The following MGST2 variants were observed in gnomAD, a reference collection of about 807,000 sequenced individuals.
The protein encoded by MGST2 is glutathione peroxidase MGST2.
Under a neutral mutation model 16.6 loss-of-function variants are expected in MGST2, and 9 were observed. That is an observed-to-expected ratio of 0.54 (90% CI 0.33 to 0.95). The LOEUF (loss-of-function observed/expected upper bound fraction) is 0.95. MGST2 is among the 40% of genes least tolerant of loss of function. The pLI is 0.03. For synonymous variants in MGST2, 79 were observed against 68.0 expected (o/e 1.16, Z -0.79); for missense variants, 159 against 175.1 (o/e 0.91, Z 0.52).
At chr4:139,684,052 C>T (rs963825092) in intron 2 of MGST2, among the ~76,000 whole-genome samples, 3 of 151,452 alleles carry the variant, frequency 2.0e-5, no homozygotes, top group African/African-American at 7.3e-5. Flanking sequence ...CAGCCTCCTG[C>T]GTACTGGGAC....
Position 139,703,925 on chromosome 4 carries a change from A to C in MGST2, c.312-91A>C, listed in dbSNP as rs147460340. On this transcript the variant is annotated intron_variant, in intron 4 of 4. Transcript: ENST00000265498. The stretch of plus-strand genomic sequence containing the variant: ...TTGCAAAAATATAGAAGTTCTGGAC[A>C]GTGTTAACGATAGGACAGCCTACCT... 2.8e-4 allele frequency: 418 copies of C among 1,513,774 alleles called. 2 individuals carry two copies. The African/African-American group carries it at 5.1e-3, about 19-fold the overall frequency. The allele number at this position is 1,513,774 out of a possible 1,614,324, so 93.8% of individuals were successfully genotyped here.
intron 2 of MGST2, among the ~76,000 whole-genome samples, chr4:139,688,725 A>G (rs1218461932): frequency 6.6e-6 from 1 of 152,218 alleles, no homozygotes; most frequent in African/African-American, 2.4e-5. Context: ...AAAAAAAGAG[A>G]CAGTAAACAT....
At chr4:139,730,881 A>C in intron 5 of MGST2, 1 of 590,428 alleles carries the variant, frequency 1.7e-6, no homozygotes, top group Non-Finnish European at 3.0e-6. Flanking sequence ...GTAAGAGAGC[A>C]TGGCTCTGGG....
Position 139,702,844 on chromosome 4 carries a change from GTT to G in MGST2, c.230-586_230-585del, listed in dbSNP as rs70943436. Among the ~76,000 whole-genome samples the G allele has an allele frequency of 2.5e-3, 116 of 46,452 alleles. 3 individuals carry two copies. Among genetic ancestry groups the G allele is most frequent in the Middle Eastern group, 0.029 (1 of 34 alleles). 30.5% of individuals were successfully genotyped at this position (46,452 alleles called of 152,430 possible). A position where few individuals can be genotyped will look rare whatever the true frequency, so the allele number is the denominator to read the frequency against. ...TCCTCACCAACATTTTGTGTTACTG[GTT>G]TTTTTTTTTTTTTTTTTTTTTTTTA... is the stretch of plus-strand genomic sequence containing the variant. On this transcript the variant is annotated intron_variant, in intron 3 of 4. Coordinates refer to ENST00000265498, the MANE Select transcript of MGST2 (RefSeq NM_002413.5).
At position 139,695,246 on chromosome 4, in the gene MGST2, G is replaced by A. The variant is rs770784272; in HGVS notation, c.208G>A (p.Ala70Thr). ...YPIFIITLWM[A>T]GWYFNQVFAT... Reference sequence around the variant, plus strand: ...TATATTCATAATTACATTGTGGATGGCTGGGTGGTATTTCAACCAAGGTAA... The same window carrying A: ...TATATTCATAATTACATTGTGGATGACTGGGTGGTATTTCAACCAAGGTAA... Residue 70 changes from alanine (A) to threonine (T), a missense_variant, in exon 3 of 5, where the codon GCT (alanine) becomes ACT (threonine). Transcript: ENST00000265498. 2.5e-6 allele frequency: 4 copies of A among 1,613,016 alleles called. No homozygotes were observed. The East Asian group carries it at 8.9e-5, about 36-fold the overall frequency.
chr4:139,667,567 C>A (rs1730432368), intron 1 of MGST2, among the ~76,000 whole-genome samples: 1 of 152,042 alleles, frequency 6.6e-6, no homozygotes. Flanking sequence ...TGTTTAATGA[C>A]AAGGTGTTAG....
chr4:139,730,831 C>T (rs1728676684), intron 5 of MGST2: 15 of 638,590 alleles, frequency 2.3e-5, no homozygotes, highest in Admixed American at 5.8e-5. Context: ...GCTTCAAACC[C>T]GACCTTACCT....
chr4:139,694,556 A>T (rs1726809898), intron 2 of MGST2, among the ~76,000 whole-genome samples: 1 of 152,164 alleles, frequency 6.6e-6, no homozygotes. Flanking sequence ...GTTCCCAGAG[A>T]ACTATTCCCT....
At chr4:139,719,197 C>T in intron 5 of MGST2, 2 of 1,092,720 alleles carry the variant, frequency 1.8e-6, no homozygotes, top group Non-Finnish European at 2.5e-6. Context: ...CATTGTCAGC[C>T]AGCTGCAGTT....
chr4:139,725,863 G>A (rs1579363139), intron 5 of MGST2: 4 of 1,589,524 alleles, frequency 2.5e-6, no homozygotes, highest in Non-Finnish European at 3.5e-6. Flanking sequence ...AAGAGGGGTG[G>A]AGAGGTGAGA....
chr4:139,720,422 T>TC, intron 5 of MGST2: 10 of 1,074,032 alleles, frequency 9.3e-6, no homozygotes, highest in Non-Finnish European at 1.3e-5. Context: ...AAAATTCCTT[T>TC]ATATGAAAGG....
chr4:139,698,819 ATCT>A (rs1190152880), intron 3 of MGST2, among the ~76,000 whole-genome samples: 11 of 144,888 alleles, frequency 7.6e-5, no homozygotes, highest in Admixed American at 2.1e-4. Context: ...TTCTTTCTTC[ATCT>A]TCTTTTTTTT....
rs971126572 is a variant in MGST2, at chr4:139,715,306, C to T, written c.*48+11110C>T. ...TTAGGGGGTGTCTCCCCAGTATCGT[C>T]CCATCGTTCTCCAGAAATATGTTAG... is the stretch of plus-strand genomic sequence containing the variant. On this transcript the variant is annotated intron_variant, in intron 5 of 5. Transcript: ENST00000616265. The surrounding 1 kb of genome is among the most constrained non-coding windows in gnomAD (Gnocchi z 4.4). Among the ~76,000 whole-genome samples the T allele has an allele frequency of 6.6e-6, 1 of 152,198 alleles. No individual in the cohort carries two copies. Among genetic ancestry groups the T allele is most frequent in the African/African-American group, 2.4e-5 (1 of 41,450 alleles).
chr4:139,681,781 C>T (rs2132846), intron 2 of MGST2, among the ~76,000 whole-genome samples: 36,709 of 151,926 alleles, frequency 0.24, 4,943 homozygotes, highest in African/African-American at 0.36. Flanking sequence ...TTCTGTGTAC[C>T]GGGCATTGTT....
intron 5 of MGST2, among the ~76,000 whole-genome samples, chr4:139,731,742 A>AG (rs377711981): frequency 5.9e-5 from 9 of 152,340 alleles, no homozygotes; most frequent in African/African-American, 2.2e-4. Flanking sequence ...ACTGGTCCTT[A>AG]GGGAAGAGGA....
chr4:139,749,270 GA>G, the MGST2 span, among the ~76,000 whole-genome samples: 1 of 152,054 alleles, frequency 6.6e-6, no homozygotes, highest in Non-Finnish European at 1.5e-5. Context: ...CATTAACACA[GA>G]TTTCAAAAAC....
chr4:139,669,570 A>AGGATG lies in MGST2; in HGVS notation c.58+3495_58+3496insATGGG, dbSNP rs1171240361. Among the ~76,000 whole-genome samples the AGGATG allele has an allele frequency of 2.5e-3, 388 of 152,306 alleles. 4 individuals carry two copies. The highest frequency in any genetic ancestry group is 8.9e-3 in the African/African-American group (371 of 41,574). ...CTCAGCACTGTCAGTTCCCATCCTA[A>AGGATG]GGTCCTTCTTCGAAGAGAGAAGTTT... On this transcript the variant is annotated intron_variant, in intron 1 of 4. Coordinates refer to ENST00000265498, the MANE Select transcript of MGST2 (RefSeq NM_002413.5).
At chr4:139,691,688 G>A (rs201436016) in intron 2 of MGST2, among the ~76,000 whole-genome samples, 1 of 139,474 alleles carries the variant, frequency 7.2e-6, no homozygotes, top group Non-Finnish European at 1.5e-5. Context: ...TGATGATGAT[G>A]ATGATGATGA....
chr4:139,705,000 G>A (rs1727465038), downstream of MGST2, among the ~76,000 whole-genome samples: 1 of 152,152 alleles, frequency 6.6e-6, no homozygotes, highest in African/African-American at 2.4e-5. Context: ...GGCCAAAAGA[G>A]CTTGCTGCCT....
Sources: allele counts gnomAD v4.1 joint callset (sites outside exome capture counted in the v4.1 genomes callset), GRCh38; gene constraint gnomAD v4.1.1; non-coding constraint Gnocchi (gnomAD v3.1); transcripts MANE v1.5; gene names NCBI Gene and HGNC (gene_info 2026-07-23, HGNC 2026-07-21).